Variants in UBR1 observed in about 807,000 individuals in gnomAD.
UBR1 encodes the protein E3 ubiquitin-protein ligase UBR1.
Under a neutral mutation model 242.1 loss-of-function variants are expected in UBR1, and 102 were observed. The ratio of observed to expected loss-of-function variants is 0.42; its 90% CI spans 0.36 to 0.50. UBR1 has a LOEUF of 0.50. Ranked by LOEUF, UBR1 falls within the 20% of genes least tolerant of loss-of-function variation. The probability of loss-of-function intolerance (pLI) is 0.01; values close to 1 mark genes in which losing one functional copy is unlikely to be tolerated. For synonymous variants in UBR1, 675 were observed against 684.8 expected, an observed-to-expected ratio of 0.99 and a Z score of 0.22; for missense variants, 1,772 against 2,101.8, an observed-to-expected ratio of 0.84 and a Z score of 3.07.
chr15:43,005,825 A>C (rs2032817242), intron 30 of UBR1, among the ~76,000 whole-genome samples: 2 of 150,286 alleles, frequency 1.3e-5, no homozygotes, highest in Admixed American at 1.3e-4. Context: ...TGCTGTGTCC[A>C]CTCAGGGTTA....
Position 42,943,200 on chromosome 15 carries a change from T to C in UBR1, c.*2129A>G, listed in dbSNP as rs1226138342. 6.6e-6 allele frequency: 1 copy of C among 152,616 alleles called. No individual in the cohort carries two copies. The highest frequency in any genetic ancestry group is 1.5e-5 in the Non-Finnish European group (1 of 68,036). The allele number at this position is 152,616 out of a possible 1,614,324, so 9.5% of individuals were successfully genotyped here. ...AGATATATTTTTCTTCACCATATCA[T>C]TAAAATTCTCACTAGCCCCTTACCA... On this transcript the variant is annotated 3_prime_UTR_variant, in exon 47 of 47. Coordinates refer to ENST00000290650, the MANE Select transcript of UBR1 (RefSeq NM_174916.3).
At chr15:42,974,918 A>C (rs1349829122) in intron 39 of UBR1, among the ~76,000 whole-genome samples, 1 of 152,064 alleles carries the variant, frequency 6.6e-6, no homozygotes, top group Non-Finnish European at 1.5e-5. Flanking sequence ...CACAATAATA[A>C]CCTGCATGGA....
intron 36 of UBR1, 147 bp downstream of exon 36, chr15:42,984,740 A>C (rs2032433029): frequency 2.8e-6 from 2 of 716,720 alleles, no homozygotes; most frequent in South Asian, 1.8e-5. Context: ...GTTTCCTATA[A>C]GACTGATGCA....
chr15:43,032,715 CCATCCAGCCTAGTATTTTT>C, intron 19 of UBR1, 84 bp from the exon 20 acceptor site: 1 of 810,228 alleles, frequency 1.2e-6, no homozygotes, highest in Non-Finnish European at 2.0e-6. Context: ...GACTCATGGT[CCATCCAGCCTAGTATTTTT>C]CATCCAGTCC....
At chr15:43,019,033 A>C (rs2033067605) in intron 27 of UBR1, among the ~76,000 whole-genome samples, 1 of 152,134 alleles carries the variant, frequency 6.6e-6, no homozygotes, top group African/African-American at 2.4e-5. Flanking sequence ...TATTCATAAA[A>C]TCTACTTCAA....
intron 22 of UBR1, 65 bp downstream of exon 22, chr15:43,027,711 T>C: frequency 6.9e-7 from 1 of 1,455,902 alleles, no homozygotes; most frequent in Non-Finnish European, 9.6e-7. Flanking sequence ...TTCTACAAAG[T>C]ATCCAAAGTA....
chr15:43,093,939 T>G (rs2034132468), intron 1 of UBR1, among the ~76,000 whole-genome samples: 1 of 152,092 alleles, frequency 6.6e-6, no homozygotes, highest in Non-Finnish European at 1.5e-5. Flanking sequence ...AGATAACTAT[T>G]ACGTCTCTCA....
At chr15:42,999,464 TA>T (rs1468852522) in intron 32 of UBR1, among the ~76,000 whole-genome samples, 2 of 152,238 alleles carry the variant, frequency 1.3e-5, no homozygotes, top group Admixed American at 6.5e-5. Context: ...CATTTTGTTT[TA>T]TTTTTTTATT....
chr15:43,077,242 G>A (rs1421028348), intron 3 of UBR1, among the ~76,000 whole-genome samples: 6 of 152,082 alleles, frequency 3.9e-5, no homozygotes, highest in Non-Finnish European at 8.8e-5. Context: ...TTGAGAAATC[G>A]GATGGTTGCC....
intron 4 of UBR1, among the ~76,000 whole-genome samples, chr15:43,072,463 C>T (rs1024483314): frequency 1.3e-5 from 2 of 152,172 alleles, no homozygotes; most frequent in African/African-American, 4.8e-5. Context: ...AAAATCACGT[C>T]CTCTGCAAAC....
At chr15:43,046,426 T>C (rs552460807) in intron 14 of UBR1, among the ~76,000 whole-genome samples, 21 of 152,292 alleles carry the variant, frequency 1.4e-4, no homozygotes, top group Admixed American at 9.8e-4. Flanking sequence ...TGTGTGTTTA[T>C]AGACAATTGA....
intron 15 of UBR1, among the ~76,000 whole-genome samples, chr15:43,040,179 T>C (rs187362091): frequency 0.051 from 7,813 of 152,208 alleles, 320 homozygotes; most frequent in Non-Finnish European, 0.077. Context: ...GGAGGCATCA[T>C]GCTACCTGAC....
intron 25 of UBR1, among the ~76,000 whole-genome samples, chr15:43,023,994 T>G (rs1043621042): frequency 6.6e-6 from 1 of 152,216 alleles, no homozygotes; most frequent in Non-Finnish European, 1.5e-5. Context: ...ATTATATCCA[T>G]ACAATGGACT....
At chr15:42,976,487 T>C (rs1235874781) in intron 39 of UBR1, among the ~76,000 whole-genome samples, 1 of 152,208 alleles carries the variant, frequency 6.6e-6, no homozygotes, top group African/African-American at 2.4e-5. Context: ...GTGGTCTCCC[T>C]GCATATCTGT....
intron 2 of UBR1, 79 bp downstream of exon 2, chr15:43,085,905 A>T: frequency 1.4e-6 from 2 of 1,457,530 alleles, no homozygotes; most frequent in Non-Finnish European, 1.8e-6. Flanking sequence ...TGGGTCACAC[A>T]GCAAGACTCT....
intron 3 of UBR1, among the ~76,000 whole-genome samples, chr15:43,079,272 C>G (rs1055615133): frequency 1.3e-5 from 2 of 151,914 alleles, no homozygotes; most frequent in Non-Finnish European, 2.9e-5. Context: ...TTGAGACCAA[C>G]CTGGGCAACA....
Position 43,027,793 on chromosome 15 carries a change from G to A in UBR1, c.2415C>T (p.Asn805=). Residue 805 remains asparagine (N), a synonymous_variant, in exon 22 of 47, where the codon AAC becomes AAT. Transcript: ENST00000290650. ...NNETGLENVI[N]KVATFKKPGV... is the part of the protein sequence containing the mutation. ...GCACTTACTTAAATGTGGCCACTTTGTTTATGACATTCTCTAAGCCAGTTT... is the reference window on the plus strand; with the variant it reads ...GCACTTACTTAAATGTGGCCACTTTATTTATGACATTCTCTAAGCCAGTTT... 2.5e-6 allele frequency: 4 copies of A among 1,612,648 alleles called. No individual in the cohort carries two copies. The highest frequency in any genetic ancestry group is 3.4e-6 in the Non-Finnish European group (4 of 1,179,350).
At chr15:43,039,887 A>ACTTC (rs1303999553) in intron 15 of UBR1, among the ~76,000 whole-genome samples, 1 of 152,172 alleles carries the variant, frequency 6.6e-6, no homozygotes, top group East Asian at 1.9e-4. Context: ...TTTTAGCATG[A>ACTTC]AGGGCTGTTG....
At chr15:42,972,011 T>C (rs190960882) in intron 39 of UBR1, among the ~76,000 whole-genome samples, 2 of 152,308 alleles carry the variant, frequency 1.3e-5, no homozygotes, top group Non-Finnish European at 2.9e-5. Context: ...TGAGCCTACA[T>C]TGCCACACCA....
Sources: allele counts gnomAD v4.1 joint callset (sites outside exome capture counted in the v4.1 genomes callset), GRCh38; gene constraint gnomAD v4.1.1; transcripts MANE v1.5; gene names NCBI Gene and HGNC (gene_info 2026-07-23, HGNC 2026-07-21).